The following LMF1 variants were observed in gnomAD, a reference collection of about 807,000 sequenced individuals.
The protein encoded by LMF1 is lipase maturation factor 1, also known as transmembrane protein 112.
LMF1 carries 68 observed loss-of-function variants against 60.6 expected under a neutral mutation model. The ratio of observed to expected loss-of-function variants is 1.12; its 90% CI spans 0.92 to 1.37. The LOEUF is 1.37. Among genes scored for constraint, LMF1 ranks in the 40% most tolerant of loss-of-function variants. The probability of loss-of-function intolerance (pLI) is 0.00; values close to 1 mark genes in which losing one functional copy is unlikely to be tolerated. For synonymous variants in LMF1, 418 were observed against 324.7 expected (o/e 1.29, Z -3.09); for missense variants, 948 against 767.2 (o/e 1.24, Z -2.78).
At chr16:934,384 G>C in intron 2 of LMF1, 130 bp from the exon 3 acceptor site, 1 of 1,145,924 alleles carries the variant, frequency 8.7e-7, no homozygotes, top group South Asian at 1.3e-5. Flanking sequence ...CCTGCGAGGA[G>C]GACCTGCCCG....
chr16:979,771 G>A, intron 1 of LMF1: 1 of 454,102 alleles, frequency 2.2e-6, no homozygotes, highest in African/African-American at 2.0e-5. Context: ...GCTCTCCCAG[G>A]GGCAGGGGGT....
chr16:978,149 TACACAC>T (rs144909608), intron 1 of LMF1, among the ~76,000 whole-genome samples: 27 of 124,312 alleles, frequency 2.2e-4, no homozygotes, highest in Middle Eastern at 6.0e-3. Context: ...ACATACATCA[TACACAC>T]ACACACACAC....
chr16:869,271 C>T (rs575916702), intron 9 of LMF1: 32 of 670,226 alleles, frequency 4.8e-5, no homozygotes, highest in African/African-American at 1.4e-4. Flanking sequence ...CCGCTGGCTT[C>T]GCTCCCCTGG....
At chr16:938,890 G>A (rs898605278) in intron 2 of LMF1, among the ~76,000 whole-genome samples, 13 of 152,188 alleles carry the variant, frequency 8.5e-5, no homozygotes, top group Non-Finnish European at 1.3e-4. Context: ...AGGCCGTTTC[G>A]ACAAAGCACC....
chr16:882,069 C>T (rs2070176860), intron 5 of LMF1, among the ~76,000 whole-genome samples: 1 of 152,220 alleles, frequency 6.6e-6, no homozygotes, highest in South Asian at 2.1e-4. Context: ...CACGGGCTCT[C>T]AGAACCTCAC....
intron 1 of LMF1, among the ~76,000 whole-genome samples, chr16:955,377 C>G: frequency 6.7e-6 from 1 of 149,842 alleles, no homozygotes; most frequent in Non-Finnish European, 1.5e-5. Flanking sequence ...TGCGTGCCCG[C>G]AGCAGACGCG....
At chr16:916,127 G>A (rs1370458581) in intron 3 of LMF1, among the ~76,000 whole-genome samples, 1 of 152,200 alleles carries the variant, frequency 6.6e-6, no homozygotes, top group Non-Finnish European at 1.5e-5. Flanking sequence ...CAACGCTTTG[G>A]AGGTGCAAGT....
chr16:945,666 C>T (rs1303881332), intron 2 of LMF1, among the ~76,000 whole-genome samples: 8 of 152,182 alleles, frequency 5.3e-5, no homozygotes, highest in African/African-American at 1.4e-4. Context: ...TAGAAGGCCT[C>T]GGCAGAAAGG....
chr16:870,045 C>A lies in LMF1; in HGVS notation c.1254G>T (p.Glu418Asp). The change falls in exon 9 of 11, where the codon GAG becomes GAT. Residue 418 changes from glutamate to aspartate, a missense_variant. By Grantham distance (45) the Glu-to-Asp change is conservative. Transcript: ENST00000262301. ...AFGSITKERA[E>D]VILQGTASSN... Reference sequence around the variant, plus strand: ...AGCTGGCTGTGCCCTGCAGGATCACCTCCGCCCGCTCCTTGGTGATGCTGC... The same window carrying A: ...AGCTGGCTGTGCCCTGCAGGATCACATCCGCCCGCTCCTTGGTGATGCTGC... 6.2e-7 allele frequency: 1 copy of A among 1,610,396 alleles called. No individual in the cohort carries two copies. Among genetic ancestry groups the A allele is most frequent in the South Asian group, 1.1e-5 (1 of 91,056 alleles).
chr16:911,619 T>TGG (rs545787774), intron 3 of LMF1, among the ~76,000 whole-genome samples: 1 of 13,614 alleles, frequency 7.3e-5, no homozygotes, highest in African/African-American at 5.0e-4. Context: ...GGGGCAGCAC[T>TGG]TGGGGGGGCA....
intron 4 of LMF1, among the ~76,000 whole-genome samples, chr16:895,378 G>T (rs2070634307): frequency 6.6e-6 from 1 of 152,232 alleles, no homozygotes; most frequent in African/African-American, 2.4e-5. Context: ...ACGGAGGCCA[G>T]TGTTTGGTGA....
intron 1 of LMF1, among the ~76,000 whole-genome samples, chr16:977,805 C>G (rs975220788): frequency 6.6e-5 from 10 of 151,930 alleles, no homozygotes; most frequent in African/African-American, 2.2e-4. Flanking sequence ...TCCTCGTGCC[C>G]TGGGCCCAAC....
At chr16:959,798 C>T (rs565703080) in intron 1 of LMF1, among the ~76,000 whole-genome samples, 2 of 150,856 alleles carry the variant, frequency 1.3e-5, no homozygotes, top group African/African-American at 5.0e-5. Context: ...TTCCCACTAG[C>T]AGAGAGGGAG....
chr16:869,568 C>T (rs1235130682), intron 9 of LMF1: 2 of 609,366 alleles, frequency 3.3e-6, no homozygotes, highest in Admixed American at 4.3e-5. Context: ...ACAGGCGCCA[C>T]CCTCAGCTGC....
In LMF1 at chr16:957,396, G is replaced by A. The variant is rs139262811; in HGVS notation, c.194-2730C>T. Among the ~76,000 whole-genome samples, 272 of 152,026 alleles carry A rather than the reference G, an allele frequency of 1.8e-3. 1 individual carries two copies. The highest frequency in any genetic ancestry group is 3.0e-3 in the Non-Finnish European group (202 of 68,002). On this transcript the variant is annotated intron_variant, in intron 1 of 10. Coordinates refer to ENST00000262301, the MANE Select transcript of LMF1 (RefSeq NM_022773.4). ...TTTATAAATCTAAAAACATATAAAC[G>A]GAATCTGCACATGGAAAACTACAAA...
At chr16:916,412 A>G (rs1057281024) in intron 3 of LMF1, among the ~76,000 whole-genome samples, 20 of 152,176 alleles carry the variant, frequency 1.3e-4, no homozygotes, top group Non-Finnish European at 2.9e-4. Flanking sequence ...GGCCCCAGAG[A>G]GAGCTGGGAG....
At chr16:946,410 C>A (rs926213971) in intron 2 of LMF1, among the ~76,000 whole-genome samples, 1 of 152,238 alleles carries the variant, frequency 6.6e-6, no homozygotes, top group Non-Finnish European at 1.5e-5. Flanking sequence ...CTTCTCCCAG[C>A]AAGTCCTAGA....
chr16:866,616 C>T (rs770420756), intron 10 of LMF1, among the ~76,000 whole-genome samples: 3 of 152,164 alleles, frequency 2.0e-5, no homozygotes, highest in South Asian at 2.1e-4. Context: ...CTGGTAGCAT[C>T]CCAGTGAGCC....
chr16:900,679 TTATGTGTG>T (rs1252930817), intron 4 of LMF1: 5 of 108,746 alleles, frequency 4.6e-5, no homozygotes, highest in East Asian at 5.7e-4. Flanking sequence ...CTGCTAATTT[TTATGTGTG>T]TGTGTGTGTG....
Sources: allele counts gnomAD v4.1 joint callset (sites outside exome capture counted in the v4.1 genomes callset), GRCh38; gene constraint gnomAD v4.1.1; transcripts MANE v1.5; gene names NCBI Gene and HGNC (gene_info 2026-07-23, HGNC 2026-07-21).